Variants in KPNA3 observed in about 807,000 individuals in gnomAD.
KPNA3 encodes importin subunit alpha-4.
Under a neutral mutation model 73.8 loss-of-function variants are expected in KPNA3, and 13 were observed. That is an observed-to-expected ratio of 0.18 (90% CI 0.11 to 0.28). The LOEUF is 0.28. KPNA3 is among the 10% of genes least tolerant of loss of function. The pLI is 1.00. For synonymous variants in KPNA3, 186 were observed against 206.9 expected, an observed-to-expected ratio of 0.90 and a Z score of 0.87; for missense variants, 360 against 618.1, an observed-to-expected ratio of 0.58 and a Z score of 4.43.
intron 1 of KPNA3, among the ~76,000 whole-genome samples, chr13:49,749,929 G>T (rs1387528232): frequency 6.6e-6 from 1 of 152,096 alleles, no homozygotes; most frequent in East Asian, 1.9e-4. Flanking sequence ...TTAAATTACA[G>T]AAAAAGATGG....
At chr13:49,721,846 A>C (rs1231362635) in intron 9 of KPNA3, 109 bp downstream of exon 9, 1 of 715,812 alleles carries the variant, frequency 1.4e-6, no homozygotes, top group Non-Finnish European at 2.1e-6. Flanking sequence ...CAAAAAACTC[A>C]CACCTGCAAT....
At chr13:49,786,153 C>T (rs1038537309) in intron 1 of KPNA3, among the ~76,000 whole-genome samples, 2 of 152,140 alleles carry the variant, frequency 1.3e-5, no homozygotes, top group Admixed American at 6.5e-5. Flanking sequence ...AGTATCAATG[C>T]CATGGAGTCA....
intron 1 of KPNA3, among the ~76,000 whole-genome samples, chr13:49,765,499 A>G (rs1181656475): frequency 6.6e-6 from 1 of 152,132 alleles, no homozygotes; most frequent in Non-Finnish European, 1.5e-5. Context: ...CTATTAACAC[A>G]ATCAATTTTA....
At chr13:49,726,907 T>G (rs1046448183) in intron 6 of KPNA3, among the ~76,000 whole-genome samples, 2 of 152,080 alleles carry the variant, frequency 1.3e-5, no homozygotes, top group Non-Finnish European at 2.9e-5. Context: ...GAGCTGTGAT[T>G]GTGTCACTGC....
chr13:49,731,975 C>T (rs760210217), intron 6 of KPNA3, among the ~76,000 whole-genome samples: 21 of 152,150 alleles, frequency 1.4e-4, no homozygotes, highest in Non-Finnish European at 2.6e-4. Context: ...TAAGAAAGAG[C>T]CACTTAGTTC....
At chr13:49,730,943 AT>A (rs551649563) in intron 6 of KPNA3, among the ~76,000 whole-genome samples, 4 of 150,614 alleles carry the variant, frequency 2.7e-5, no homozygotes, top group African/African-American at 4.9e-5. Flanking sequence ...CGCCCGGCTG[AT>A]TTTTTTTAAT....
intron 5 of KPNA3, 66 bp from the exon 6 acceptor site, chr13:49,732,532 A>T: frequency 6.9e-7 from 1 of 1,445,320 alleles, no homozygotes; most frequent in Non-Finnish European, 9.6e-7. Context: ...ATAACAACAT[A>T]TTAACTTCTA....
intron 2 of KPNA3, among the ~76,000 whole-genome samples, chr13:49,741,025 A>G (rs891807239): frequency 6.6e-6 from 1 of 151,786 alleles, no homozygotes; most frequent in African/African-American, 2.4e-5. Flanking sequence ...TACATACCAC[A>G]TTTTCTTTTT....
intron 2 of KPNA3, among the ~76,000 whole-genome samples, chr13:49,734,163 C>G (rs1250045332): frequency 6.6e-6 from 1 of 152,192 alleles, no homozygotes; most frequent in African/African-American, 2.4e-5. Flanking sequence ...AAATTTGTCT[C>G]CTGAATTACC....
chr13:49,766,262 A>G (rs1276308651), intron 1 of KPNA3, among the ~76,000 whole-genome samples: 1 of 152,196 alleles, frequency 6.6e-6, no homozygotes, highest in Non-Finnish European at 1.5e-5. Context: ...AGGTTTTAAC[A>G]TCAATGATTT....
intron 1 of KPNA3, among the ~76,000 whole-genome samples, chr13:49,768,120 A>G (rs1249086373): frequency 6.6e-6 from 1 of 152,070 alleles, no homozygotes; most frequent in Non-Finnish European, 1.5e-5. Context: ...TCTACTAAAA[A>G]TACAAAAAAT....
At chr13:49,711,171 T>C in intron 10 of KPNA3, 149 bp from the exon 11 acceptor site, 2 of 607,462 alleles carry the variant, frequency 3.3e-6, no homozygotes, top group Non-Finnish European at 5.5e-6. Context: ...ATTAATCTAT[T>C]AAGTAGAAAG....
intron 1 of KPNA3, among the ~76,000 whole-genome samples, chr13:49,756,180 A>G (rs1954709687): frequency 6.6e-6 from 1 of 152,210 alleles, no homozygotes; most frequent in South Asian, 2.1e-4. Context: ...AGGGTGAGGT[A>G]GCAGGATCTC....
At chr13:49,729,976 A>G (rs1273142657) in intron 6 of KPNA3, among the ~76,000 whole-genome samples, 4 of 152,190 alleles carry the variant, frequency 2.6e-5, no homozygotes, top group Non-Finnish European at 4.4e-5. Context: ...ATCTGGCTCC[A>G]AAGTATATGG....
intron 10 of KPNA3, among the ~76,000 whole-genome samples, chr13:49,712,721 A>G (rs1339784435): frequency 1.3e-5 from 2 of 152,074 alleles, no homozygotes; most frequent in Non-Finnish European, 2.9e-5. Flanking sequence ...ATCATTGCAC[A>G]GGTAAGAGAC....
chr13:49,708,903 T>G (rs1392381408), intron 12 of KPNA3, among the ~76,000 whole-genome samples: 1 of 152,214 alleles, frequency 6.6e-6, no homozygotes, highest in African/African-American at 2.4e-5. Flanking sequence ...GGGTCCAAAC[T>G]AATTTTGCTG....
In KPNA3 at chr13:49,725,502, C is replaced by G; in HGVS notation, c.384-1G>C. On this transcript the variant is annotated splice_acceptor_variant, in intron 6 of 16. Transcript: ENST00000261667. LOFTEE classifies it high-confidence loss of function. ...AGCAGCTTCAAACTGTAATGAAGGACTGTAAAAAAACAATAACACATCTTT... is the reference window on the plus strand; with the variant it reads ...AGCAGCTTCAAACTGTAATGAAGGAGTGTAAAAAAACAATAACACATCTTT... 6.3e-7 allele frequency: 1 copy of G among 1,584,958 alleles called. No homozygotes were observed. Among genetic ancestry groups the G allele is most frequent in the Non-Finnish European group, 8.6e-7 (1 of 1,159,910 alleles).
In KPNA3 at chr13:49,719,834, T is replaced by C. The variant is rs777700638; in HGVS notation, c.727-15A>G. 2 of 1,505,608 alleles carry C rather than the reference T, an allele frequency of 1.3e-6. No homozygotes were observed. The highest frequency in any genetic ancestry group is 2.3e-5 in the South Asian group (2 of 88,150). 93.3% of individuals were successfully genotyped at this position (1,505,608 alleles called of 1,614,324 possible). On this transcript the variant is annotated splice_polypyrimidine_tract_variant and intron_variant, in intron 9 of 16. Coordinates refer to ENST00000261667, the MANE Select transcript of KPNA3 (RefSeq NM_002267.4). ...GCTGGCAAAATCTGAGGAAAGAAAATAAACAATACTTAACATTAGTTAATT... is the reference window on the plus strand; with the variant it reads ...GCTGGCAAAATCTGAGGAAAGAAAACAAACAATACTTAACATTAGTTAATT...
At chr13:49,775,135 C>T (rs1566359712) in intron 1 of KPNA3, among the ~76,000 whole-genome samples, 1 of 124,482 alleles carries the variant, frequency 8.0e-6, no homozygotes, top group Non-Finnish European at 1.6e-5. Flanking sequence ...AGTGAGTGCA[C>T]TCAGACGACA....
Sources: gnomAD v4.1 joint callset for allele counts (sites outside exome capture counted in the v4.1 genomes callset) on GRCh38, gnomAD v4.1.1 for gene constraint, MANE v1.5 for transcripts, NCBI Gene and HGNC (gene_info 2026-07-23, HGNC 2026-07-21) for gene names.